The following STXBP5L variants were observed in gnomAD, a reference collection of about 807,000 sequenced individuals.
STXBP5L encodes syntaxin binding protein 5L, also known as syntaxin-binding protein 5-like.
In STXBP5L, 65 loss-of-function variants were observed where a neutral mutation model predicts 144.5. The observed-to-expected ratio is 0.45, with a 90% confidence interval of 0.37 to 0.55. STXBP5L has a LOEUF of 0.55. Among genes scored for constraint, STXBP5L ranks in the 20% least tolerant of loss-of-function variants. The pLI is 0.00. For missense variants in STXBP5L, 1,298 were observed against 1,405.5 expected (o/e 0.92, Z 1.22); for synonymous variants, 505 against 469.6 (o/e 1.08, Z -0.97).
chr3:121,213,568 G>C (rs1015194556), intron 10 of STXBP5L, among the ~76,000 whole-genome samples: 7 of 152,190 alleles, frequency 4.6e-5, no homozygotes, highest in African/African-American at 1.4e-4. Context: ...AAGCCAACTT[G>C]ATCGTGGTGG....
intron 3 of STXBP5L, among the ~76,000 whole-genome samples, chr3:121,041,333 C>T (rs1258912296): frequency 6.6e-6 from 1 of 151,940 alleles, no homozygotes; most frequent in African/African-American, 2.4e-5. Context: ...TAAGTCTCAT[C>T]TTATGATTTA....
intron 5 of STXBP5L, among the ~76,000 whole-genome samples, chr3:121,102,007 G>C (rs2043451749): frequency 6.6e-6 from 1 of 151,862 alleles, no homozygotes; most frequent in Non-Finnish European, 1.5e-5. Context: ...TCTAACCCAA[G>C]ATATGAAATA....
chr3:121,002,772 T>A (rs912855901), intron 3 of STXBP5L, among the ~76,000 whole-genome samples: 6 of 151,260 alleles, frequency 4.0e-5, no homozygotes, highest in Non-Finnish European at 7.4e-5. Context: ...GTTCTCATTG[T>A]TCAATTCCCA....
intron 22 of STXBP5L, among the ~76,000 whole-genome samples, chr3:121,405,416 C>CT (rs576135172): frequency 4.7e-4 from 72 of 152,104 alleles, no homozygotes; most frequent in African/African-American, 1.6e-3. Flanking sequence ...AAGGCAGGGA[C>CT]TTTTGTCTGT....
intron 20 of STXBP5L, among the ~76,000 whole-genome samples, chr3:121,356,091 C>G (rs576204790): frequency 1.1e-4 from 16 of 152,190 alleles, no homozygotes; most frequent in Non-Finnish European, 1.9e-4. Flanking sequence ...ACCCACTTAT[C>G]TGAGGTATCT....
chr3:121,375,589 G>A (rs1560035042), intron 20 of STXBP5L, among the ~76,000 whole-genome samples: 1 of 152,184 alleles, frequency 6.6e-6, no homozygotes, highest in Non-Finnish European at 1.5e-5. Context: ...CAGGATTGTT[G>A]TGAAGGTTAA....
chr3:121,015,495 A>T (rs1945079456), intron 3 of STXBP5L, among the ~76,000 whole-genome samples: 1 of 152,130 alleles, frequency 6.6e-6, no homozygotes, highest in South Asian at 2.1e-4. Context: ...TTACAGAAAC[A>T]CTCAAATAGT....
rs528684316 is a variant in STXBP5L at position 121,041,800 on chromosome 3, C to G, written c.369+19C>G. 3 of 1,554,156 alleles carry G rather than the reference C, an allele frequency of 1.9e-6. No homozygotes were observed. The highest frequency in any genetic ancestry group is 2.7e-6 in the Non-Finnish European group (3 of 1,126,400). On this transcript the variant is annotated intron_variant, in intron 4 of 26. Transcript: ENST00000471454. ...CAATGAGGTAAGGATTATTTTTTGA[C>G]TACTTAAATCACACACTCCCCCACT...
intron 7 of STXBP5L, among the ~76,000 whole-genome samples, chr3:121,128,191 G>A (rs1396297928): frequency 1.3e-5 from 2 of 152,010 alleles, no homozygotes; most frequent in Non-Finnish European, 1.5e-5. Context: ...TTTTATGGGG[G>A]CAGTTACTTA....
chr3:121,331,447 G>T (rs1213964445), intron 20 of STXBP5L, among the ~76,000 whole-genome samples: 1 of 152,184 alleles, frequency 6.6e-6, no homozygotes, highest in Non-Finnish European at 1.5e-5. Flanking sequence ...GTTCAGGCTT[G>T]CATGAAAGGT....
chr3:121,144,968 A>T (rs2045658975), intron 7 of STXBP5L, among the ~76,000 whole-genome samples: 1 of 151,940 alleles, frequency 6.6e-6, no homozygotes, highest in Non-Finnish European at 1.5e-5. Flanking sequence ...TATATATAGA[A>T]TCAAAGAGTG....
chr3:121,364,508 G>A (rs2045809623), intron 20 of STXBP5L, among the ~76,000 whole-genome samples: 2 of 151,164 alleles, frequency 1.3e-5, no homozygotes, highest in South Asian at 4.2e-4. Context: ...GATTTTCATA[G>A]AGGTTGCATT....
rs563997064 is a variant in STXBP5L, at chr3:121,101,695, A to G, written c.471-13230A>G. Among the ~76,000 whole-genome samples, 247 of 152,082 alleles carry G rather than the reference A, an allele frequency of 1.6e-3. 1 individual carries two copies. Among genetic ancestry groups the G allele is most frequent in the African/African-American group, 5.8e-3 (240 of 41,538 alleles). On this transcript the variant is annotated intron_variant, in intron 5 of 26. Coordinates refer to ENST00000471454, the MANE Select transcript of STXBP5L (RefSeq NM_001308330.2). ...AACGAGACAAGGATGCTCACTCTCA[A>G]CATTCTTATTCAACATAGTACTGGA... is the stretch of plus-strand genomic sequence containing the variant.
chr3:121,078,052 G>A (rs2042095782), intron 5 of STXBP5L, among the ~76,000 whole-genome samples: 1 of 151,662 alleles, frequency 6.6e-6, no homozygotes, highest in African/African-American at 2.4e-5. Context: ...CAAACCTTGA[G>A]CTAGATACAG....
chr3:121,111,448 C>T (rs1339238875), intron 5 of STXBP5L, among the ~76,000 whole-genome samples: 1 of 152,100 alleles, frequency 6.6e-6, no homozygotes, highest in Non-Finnish European at 1.5e-5. Flanking sequence ...AATGTTGTTG[C>T]TGCTTTCTAT....
intron 20 of STXBP5L, among the ~76,000 whole-genome samples, chr3:121,376,280 C>G (rs79987651): frequency 6.6e-6 from 1 of 152,084 alleles, no homozygotes; most frequent in Non-Finnish European, 1.5e-5. Context: ...GGCAGTCTAG[C>G]CTGGCCCCAG....
At chr3:121,245,663 A>C (rs2049824914) in intron 14 of STXBP5L, among the ~76,000 whole-genome samples, 1 of 152,154 alleles carries the variant, frequency 6.6e-6, no homozygotes. Flanking sequence ...TTTATATTGG[A>C]CTTTAAGTCA....
intron 20 of STXBP5L, among the ~76,000 whole-genome samples, chr3:121,346,516 G>A (rs1470476173): frequency 1.3e-5 from 2 of 152,104 alleles, no homozygotes; most frequent in Admixed American, 6.6e-5. Context: ...AGATCCCTGA[G>A]GAATCGCCAC....
intron 14 of STXBP5L, among the ~76,000 whole-genome samples, chr3:121,245,908 G>A (rs186427206): frequency 6.6e-6 from 1 of 152,048 alleles, no homozygotes; most frequent in Admixed American, 6.6e-5. Context: ...AAGGAAACAG[G>A]GTATTTGAAA....
Sources: gnomAD v4.1 joint callset for allele counts (sites outside exome capture counted in the v4.1 genomes callset) on GRCh38, gnomAD v4.1.1 for gene constraint, MANE v1.5 for transcripts, NCBI Gene and HGNC (gene_info 2026-07-23, HGNC 2026-07-21) for gene names.